Variants in DACH2 observed in about 807,000 individuals in gnomAD.
DACH2 encodes the protein dachshund family transcription factor 2.
DACH2 carries 17 observed loss-of-function variants against 35.8 expected under a neutral mutation model. The ratio of observed to expected loss-of-function variants is 0.48; its 90% CI spans 0.33 to 0.71. The LOEUF is 0.71. DACH2 is among the 30% of genes least tolerant of loss of function. DACH2 has a pLI of 0.02. For synonymous variants in DACH2, 195 were observed against 177.3 expected (o/e 1.10, Z -0.79); for missense variants, 469 against 472.7 (o/e 0.99, Z 0.07).
chrX:86,282,163 A>G (rs975304646), intron 1 of DACH2, among the ~76,000 whole-genome samples: 3 of 50,673 alleles, frequency 5.9e-5, no homozygotes, highest in Admixed American at 3.1e-4. Flanking sequence ...TAAATTTCGT[A>G]TGGAACCAAA....
At chrX:86,242,082 A>T (rs2033176964) in intron 1 of DACH2, among the ~76,000 whole-genome samples, 1 of 112,946 alleles carries the variant, frequency 8.9e-6, no homozygotes, top group Admixed American at 9.3e-5. Flanking sequence ...CCTCACACAG[A>T]GTCCCCAATG....
chrX:86,354,879 A>C (rs2035616731), intron 1 of DACH2, among the ~76,000 whole-genome samples: 1 of 110,681 alleles, frequency 9.0e-6, no homozygotes, highest in African/African-American at 3.3e-5. Context: ...ACAAAATAAA[A>C]CACTACAGTT....
chrX:86,702,331 G>T (rs1317892939), intron 5 of DACH2, among the ~76,000 whole-genome samples: 4 of 111,034 alleles, frequency 3.6e-5, no homozygotes, highest in Admixed American at 9.6e-5. Context: ...AGTCTGAAAG[G>T]TCACAAATTA....
intron 7 of DACH2, among the ~76,000 whole-genome samples, chrX:86,753,928 G>A (rs1298001506): frequency 2.2e-5 from 2 of 91,488 alleles, no homozygotes; most frequent in African/African-American, 8.0e-5. Flanking sequence ...AACCAAATAT[G>A]AGCTCACAAT....
chrX:86,776,901 G>A (rs1055701318), intron 7 of DACH2, among the ~76,000 whole-genome samples: 7 of 111,443 alleles, frequency 6.3e-5, no homozygotes, highest in African/African-American at 2.3e-4. Context: ...TCCATGTCCC[G>A]ACAAAGGATA....
chrX:86,656,572 T>C (rs2040542326), intron 4 of DACH2, among the ~76,000 whole-genome samples: 1 of 109,744 alleles, frequency 9.1e-6, no homozygotes, highest in Admixed American at 9.8e-5. Flanking sequence ...AACCTAGAGA[T>C]AGAGATGCAG....
In DACH2 at chrX:86,795,949, G is replaced by C. The variant is rs758301129; in HGVS notation, c.1241-16907G>C. Reference sequence around the variant, plus strand: ...GTGTTACAGCTCATAAAGGTAGTGCGGACCCAAAGAGTGAGCAGCAGCAAG... The same window carrying C: ...GTGTTACAGCTCATAAAGGTAGTGCCGACCCAAAGAGTGAGCAGCAGCAAG... On this transcript the variant is annotated intron_variant, in intron 7 of 11. Transcript: ENST00000373125. Among the ~76,000 whole-genome samples, 123 of 110,631 alleles carry C rather than the reference G, an allele frequency of 1.1e-3. No individual in the cohort carries two copies. In the Middle Eastern group the frequency reaches 0.014, roughly 13 times the overall value.
At chrX:86,297,018 C>T (rs1018768953) in intron 1 of DACH2, among the ~76,000 whole-genome samples, 4 of 92,703 alleles carry the variant, frequency 4.3e-5, no homozygotes, top group Non-Finnish European at 8.3e-5. Flanking sequence ...GAAACATATA[C>T]AGTCCTATAA....
At chrX:86,237,499 G>C (rs1249274321) in intron 1 of DACH2, among the ~76,000 whole-genome samples, 1 of 110,992 alleles carries the variant, frequency 9.0e-6, no homozygotes, top group African/African-American at 3.3e-5. Context: ...CTATGACATT[G>C]TTATGGGATC....
At chrX:86,629,189 A>T (rs1031669070) in intron 3 of DACH2, among the ~76,000 whole-genome samples, 2 of 111,346 alleles carry the variant, frequency 1.8e-5, no homozygotes, top group African/African-American at 6.5e-5. Flanking sequence ...TTCTGGGCTA[A>T]CTAGGCATGG....
In DACH2 at chrX:86,428,189, T is replaced by A. The variant is rs964412735; in HGVS notation, c.527+51327T>A. Among the ~76,000 whole-genome samples, 5 of 111,544 alleles carry A rather than the reference T, an allele frequency of 4.5e-5. No individual in the cohort carries two copies. The South Asian group carries it at 1.8e-3, about 41-fold the overall frequency. On this transcript the variant is annotated intron_variant, in intron 2 of 11. Coordinates refer to ENST00000373125, the MANE Select transcript of DACH2 (RefSeq NM_053281.3). ...AATCTTATATTACAAAATTTACAAA[T>A]TAATAAGGTAGTAACTTAAATATAA... is the stretch of plus-strand genomic sequence containing the variant.
intron 3 of DACH2, among the ~76,000 whole-genome samples, chrX:86,625,815 G>C (rs934342567): frequency 3.6e-5 from 4 of 111,000 alleles, no homozygotes; most frequent in Admixed American, 9.6e-5. Flanking sequence ...AGAACAGCAT[G>C]GGAAAACCCC....
chrX:86,825,429 G>A lies in DACH2; in HGVS notation c.1751-6677G>A, dbSNP rs5923651. Among the ~76,000 whole-genome samples the A allele has an allele frequency of 6.7e-3, 303 of 45,544 alleles. 1 individual carries two copies. The highest frequency in any genetic ancestry group is 0.035 in the African/African-American group (291 of 8,376). The allele number at this position is 45,544 out of a possible 115,157, so 39.5% of individuals were successfully genotyped here. A position where few individuals can be genotyped will look rare whatever the true frequency, so the allele number is the denominator to read the frequency against. ...AAGACTCTGTCTCAGAAAAAAAAAA[G>A]GAAAAAAGAAGAAGAAAAAACATTT... On this transcript the variant is annotated intron_variant, in intron 11 of 11. Coordinates refer to ENST00000373125, the MANE Select transcript of DACH2 (RefSeq NM_053281.3).
intron 1 of DACH2, among the ~76,000 whole-genome samples, chrX:86,242,532 A>G (rs762728278): frequency 8.9e-6 from 1 of 112,026 alleles, no homozygotes; most frequent in Non-Finnish European, 1.9e-5. Flanking sequence ...CTTGTCTCAG[A>G]TGAGACTTTG....
At chrX:86,572,737 C>T (rs929510215) in intron 3 of DACH2, among the ~76,000 whole-genome samples, 1 of 111,573 alleles carries the variant, frequency 9.0e-6, no homozygotes, top group Non-Finnish European at 1.9e-5. Flanking sequence ...CTGCTTCAAA[C>T]CTCTGTTACT....
Position 86,565,584 on chromosome X carries a change from T to C in DACH2, c.640+51193T>C, listed in dbSNP as rs186151236. On this transcript the variant is annotated intron_variant, in intron 3 of 11. Transcript: ENST00000373125. ...TGGGGATATATACAGTGGCTTATTCTCTTTTTATTTTCTTCATCTGGCCGT... is the reference window on the plus strand; with the variant it reads ...TGGGGATATATACAGTGGCTTATTCCCTTTTTATTTTCTTCATCTGGCCGT... 3.4e-3 allele frequency among the ~76,000 whole-genome samples: 383 copies of C among 111,746 alleles called. 1 individual carries two copies. The highest frequency in any genetic ancestry group is 5.2e-3 in the Non-Finnish European group (273 of 53,001).
intron 1 of DACH2, among the ~76,000 whole-genome samples, chrX:86,368,398 A>T (rs2035836724): frequency 9.0e-6 from 1 of 111,233 alleles, no homozygotes; most frequent in African/African-American, 3.3e-5. Context: ...ATAGTTGATG[A>T]TCACTAAACA....
chrX:86,175,677 C>T (rs182934724), intron 1 of DACH2, among the ~76,000 whole-genome samples: 187 of 110,839 alleles, frequency 1.7e-3, no homozygotes, highest in African/African-American at 5.9e-3. Context: ...GGATGGGATC[C>T]GATGTACAAG....
intron 2 of DACH2, among the ~76,000 whole-genome samples, chrX:86,407,181 TG>T (rs778978641): frequency 9.2e-4 from 103 of 111,842 alleles, no homozygotes; most frequent in African/African-American, 3.1e-3. Context: ...GAATAAAGCC[TG>T]GAAGTTTGGA....
Sources: allele counts gnomAD v4.1 joint callset (sites outside exome capture counted in the v4.1 genomes callset), GRCh38; gene constraint gnomAD v4.1.1; transcripts MANE v1.5; gene names NCBI Gene and HGNC (gene_info 2026-07-23, HGNC 2026-07-21).